PSEN1: variants seen among roughly 807,000 people sequenced by gnomAD.
The protein encoded by PSEN1 is presenilin-1.
A neutral mutation model predicts 53.5 loss-of-function variants in PSEN1; 15 were observed. The observed-to-expected ratio is 0.28, with a 90% CI of 0.19 to 0.43. The LOEUF is 0.43. Among genes scored for constraint, PSEN1 ranks in the 20% least tolerant of loss-of-function variants. The pLI, the probability that PSEN1 is intolerant of heterozygous loss-of-function variation, is 1.00. For missense variants in PSEN1, 387 were observed against 571.2 expected (o/e 0.68, Z 3.29); for synonymous variants, 208 against 209.8 (o/e 0.99, Z 0.08).
chr14:73,142,931 G>A (rs1017878676), intron 1 of PSEN1, among the ~76,000 whole-genome samples: 9 of 152,206 alleles, frequency 5.9e-5, no homozygotes, highest in Admixed American at 2.0e-4. Flanking sequence ...TGACCAGAGA[G>A]CAAAAACACC....
At chr14:73,140,921 G>C (rs115555746) in intron 1 of PSEN1, among the ~76,000 whole-genome samples, 4,163 of 152,326 alleles carry the variant, frequency 0.027, 194 homozygotes, top group African/African-American at 0.09. Context: ...GTAGGTAGAT[G>C]TGTGGATCGG....
At chr14:73,208,211 T>TG (rs1566651603) in intron 9 of PSEN1, among the ~76,000 whole-genome samples, 1 of 152,132 alleles carries the variant, frequency 6.6e-6, no homozygotes, top group Non-Finnish European at 1.5e-5. Context: ...ACGTGGCAAG[T>TG]GGGGGGCACG....
intron 5 of PSEN1, among the ~76,000 whole-genome samples, chr14:73,185,407 C>T (rs902691628): frequency 9.2e-5 from 14 of 152,204 alleles, no homozygotes; most frequent in South Asian, 4.1e-4. Context: ...GGCTGGAGAC[C>T]GGCCTGGCCA....
At position 73,189,560 on chromosome 14, in the gene PSEN1, C is replaced by T. The variant is rs989321806; in HGVS notation, c.548+2640C>T. Among the ~76,000 whole-genome samples, 11 of 152,086 alleles carry T rather than the reference C, an allele frequency of 7.2e-5. No homozygotes were observed. In the East Asian group the frequency reaches 1.9e-3, roughly 27 times the overall value. ...CTGGGAGATGGAGGTTGCTGTGAGC[C>T]GAGATCGCACCATTGCACTCCCACC... On this transcript the variant is annotated intron_variant, in intron 6 of 11. Transcript: ENST00000324501.
At chr14:73,206,332 C>G in intron 8 of PSEN1, 54 bp from the exon 9 acceptor site, 1 of 1,236,834 alleles carries the variant, frequency 8.1e-7, no homozygotes, top group Non-Finnish European at 1.2e-6. Context: ...TTGTTGTTGT[C>G]TATGCATACT....
intron 3 of PSEN1, among the ~76,000 whole-genome samples, chr14:73,156,120 A>C (rs1897346840): frequency 6.6e-6 from 1 of 152,028 alleles, no homozygotes; most frequent in South Asian, 2.1e-4. Flanking sequence ...GGATCACTTG[A>C]GTTCAGGAGT....
Position 73,192,609 on chromosome 14 carries a change from G to A in PSEN1, c.549-35G>A, listed in dbSNP as rs913141044. 8 of 1,404,680 alleles carry A rather than the reference G, an allele frequency of 5.7e-6. No individual in the cohort carries two copies. In the African/African-American group the frequency reaches 1.1e-4, roughly 20 times the overall value. 87.0% of individuals were successfully genotyped at this position (1,404,680 alleles called of 1,614,324 possible). On this transcript the variant is annotated intron_variant, in intron 6 of 11. Coordinates refer to ENST00000324501, the MANE Select transcript of PSEN1 (RefSeq NM_000021.4). ...AAATAATGTTTTGGTGAAAATTATT[G>A]TACATCTTTTAAAATCTGTGTAATT...
rs1900111033 is a variant in PSEN1, at chr14:73,221,139, G to C, written c.*1850G>C. 6.6e-6 allele frequency: 1 copy of C among 152,132 alleles called. No individual in the cohort carries two copies. The highest frequency in any genetic ancestry group is 1.5e-5 in the Non-Finnish European group (1 of 68,030). 9.4% of individuals were successfully genotyped at this position (152,132 alleles called of 1,614,324 possible). On this transcript the variant is annotated 3_prime_UTR_variant, in exon 12 of 12. Transcript: ENST00000324501. Reference sequence around the variant, plus strand: ...CTGATCTGAATTTAAATTAAAATTGGCTTATATTAGGCAGTCACAGACAGG... The same window carrying C: ...CTGATCTGAATTTAAATTAAAATTGCCTTATATTAGGCAGTCACAGACAGG...
chr14:73,167,036 C>T (rs896519822), intron 3 of PSEN1, among the ~76,000 whole-genome samples: 4 of 151,954 alleles, frequency 2.6e-5, no homozygotes, highest in Admixed American at 6.6e-5. Flanking sequence ...TTGTTTTCTT[C>T]TTTTTTGTAT....
rs1900142367 is a variant in PSEN1, at chr14:73,222,795, T to G, written c.*3506T>G. The G allele has an allele frequency of 6.6e-6, 1 of 152,252 alleles. No homozygotes were observed. The highest frequency in any genetic ancestry group is 1.5e-5 in the Non-Finnish European group (1 of 68,050). The allele number at this position is 152,252 out of a possible 1,614,324, so 9.4% of individuals were successfully genotyped here. ...TATACATTGGTGTTATAAAAGTGAC[T>G]TGATTCAGAAATCAATCCATTCAGT... On this transcript the variant is annotated 3_prime_UTR_variant, in exon 12 of 12. Transcript: ENST00000324501.
chr14:73,185,181 G>A (rs1174894104), intron 5 of PSEN1, among the ~76,000 whole-genome samples: 3 of 151,874 alleles, frequency 2.0e-5, no homozygotes, highest in Non-Finnish European at 2.9e-5. Context: ...AGGCAGAGAC[G>A]CTCCTCACTT....
intron 10 of PSEN1, among the ~76,000 whole-genome samples, chr14:73,212,773 TTTGGTTAGG>T (rs1566654248): frequency 6.6e-6 from 1 of 152,364 alleles, no homozygotes; most frequent in East Asian, 1.9e-4. Context: ...ACTAAAGCCC[TTTGGTTAGG>T]GCTCAGTCAT....
chr14:73,140,615 T>C (rs1379625637), intron 1 of PSEN1, among the ~76,000 whole-genome samples: 2 of 152,132 alleles, frequency 1.3e-5, no homozygotes, highest in Non-Finnish European at 2.9e-5. Flanking sequence ...TATAGCTTAA[T>C]AATTTGTTTG....
intron 6 of PSEN1, chr14:73,189,806 A>G: frequency 3.9e-6 from 1 of 254,492 alleles, no homozygotes. Context: ...GCTCCCCTTA[A>G]GCTGAGCAGT....
rs1897077279 is a variant in PSEN1 at position 73,146,557 on chromosome 14, T to C, written c.-135-1238T>C. Among the ~76,000 whole-genome samples, 7 of 152,210 alleles carry C rather than the reference T, an allele frequency of 4.6e-5. No homozygotes were observed. The South Asian group carries it at 1.4e-3, about 31-fold the overall frequency. On this transcript the variant is annotated intron_variant, in intron 1 of 11. Coordinates refer to ENST00000324501, the MANE Select transcript of PSEN1 (RefSeq NM_000021.4). ...AAGATGGACATGGTACATAAAAGCA[T>C]GTATGATAAAGTGGAATGTCACCTT...
chr14:73,181,579 T>TCTCTTAAAAAAAAA, intron 5 of PSEN1, among the ~76,000 whole-genome samples: 2 of 152,302 alleles, frequency 1.3e-5, no homozygotes, highest in African/African-American at 4.8e-5. Context: ...GGAAACATAG[T>TCTCTTAAAAAAAAA]GAGACCCCAG....
intron 6 of PSEN1, among the ~76,000 whole-genome samples, chr14:73,190,582 GA>G (rs1293828584): frequency 1.3e-5 from 2 of 151,868 alleles, no homozygotes; most frequent in Non-Finnish European, 1.5e-5. Flanking sequence ...GGATGTACAT[GA>G]AATTAATAGT....
intron 9 of PSEN1, 146 bp downstream of exon 9, chr14:73,206,618 A>G: frequency 1.5e-6 from 1 of 680,908 alleles, no homozygotes; most frequent in Non-Finnish European, 2.6e-6. Context: ...GTAAATACAC[A>G]GATAAGTATT....
chr14:73,162,946 T>A (rs1360910021), intron 3 of PSEN1, among the ~76,000 whole-genome samples: 1 of 152,238 alleles, frequency 6.6e-6, no homozygotes, highest in Non-Finnish European at 1.5e-5. Flanking sequence ...ACCATGTGAA[T>A]GTTTTACCTA....
Sources: allele counts gnomAD v4.1 joint callset (sites outside exome capture counted in the v4.1 genomes callset), GRCh38; gene constraint gnomAD v4.1.1; transcripts MANE v1.5; gene names NCBI Gene and HGNC (gene_info 2026-07-23, HGNC 2026-07-21).